GALNT18: variants seen among roughly 807,000 people sequenced by gnomAD.
GALNT18 encodes the protein polypeptide N-acetylgalactosaminyltransferase 18.
In GALNT18, 44 loss-of-function variants were observed where a neutral mutation model predicts 69.5. That is an observed-to-expected ratio of 0.63 (90% CI 0.50 to 0.81). The LOEUF is 0.81. GALNT18 is among the 40% of genes least tolerant of loss of function. The pLI, the probability that GALNT18 is intolerant of heterozygous loss-of-function variation, is 0.00. For synonymous variants in GALNT18, 364 were observed against 318.2 expected (o/e 1.14, Z -1.53); for missense variants, 715 against 810.0 (o/e 0.88, Z 1.42).
intron 1 of GALNT18, among the ~76,000 whole-genome samples, chr11:11,593,754 C>T (rs1040796548): frequency 1.3e-5 from 2 of 152,254 alleles, no homozygotes; most frequent in South Asian, 2.1e-4. Context: ...CACAGCAAGA[C>T]CCCATTTCTA....
chr11:11,603,586 C>T lies in GALNT18; in HGVS notation c.235+17773G>A, dbSNP rs1859682382. Among the ~76,000 whole-genome samples the T allele has an allele frequency of 1.3e-5, 2 of 152,282 alleles. No homozygotes were observed. The highest frequency in any genetic ancestry group is 4.2e-4 in the South Asian group (2 of 4,816). On this transcript the variant is annotated intron_variant, in intron 1 of 10. Transcript: ENST00000227756. The surrounding 1 kb of genome is among the most constrained non-coding windows in gnomAD (Gnocchi z 4.5). ...CTAATTGCTTGAGATTGTGTCCAAA[C>T]TGAATATTCATAATCTTCATGTTGC... is the stretch of plus-strand genomic sequence containing the variant.
chr11:11,519,818 A>T (rs1857355837), intron 1 of GALNT18, among the ~76,000 whole-genome samples: 1 of 152,156 alleles, frequency 6.6e-6, no homozygotes, highest in Non-Finnish European at 1.5e-5. Context: ...CTGCTCTGGG[A>T]ACCCACCCTC....
chr11:11,436,612 AAC>A lies in GALNT18; in HGVS notation c.429-3827_429-3826del, dbSNP rs1855408027. Among the ~76,000 whole-genome samples, 1 of 152,186 alleles carries A rather than the reference AAC, an allele frequency of 6.6e-6. No homozygotes were observed. Among genetic ancestry groups the A allele is most frequent in the African/African-American group, 2.4e-5 (1 of 41,446 alleles). On this transcript the variant is annotated intron_variant, in intron 2 of 10. Coordinates refer to ENST00000227756, the MANE Select transcript of GALNT18 (RefSeq NM_198516.3). This position sits in a 1 kb window ranked among gnomAD's most constrained non-coding sequence, Gnocchi z 4.5. ...ATAAATTCCCTTTCAGTTTCCACAA[AAC>A]ACACGTTCATGCCACATCATGACAC...
intron 10 of GALNT18, among the ~76,000 whole-genome samples, chr11:11,273,932 A>G (rs1377359753): frequency 6.6e-6 from 1 of 152,132 alleles, no homozygotes; most frequent in Non-Finnish European, 1.5e-5. Flanking sequence ...TGCAGCTCTA[A>G]GAGAGATCCA....
intron 1 of GALNT18, among the ~76,000 whole-genome samples, chr11:11,519,060 C>A (rs146151568): frequency 2.0e-5 from 3 of 152,290 alleles, no homozygotes; most frequent in African/African-American, 7.2e-5. Flanking sequence ...CCCAGTCCAC[C>A]CAGCAGTACT....
chr11:11,434,252 AAGG>A (rs1855346631), intron 2 of GALNT18, among the ~76,000 whole-genome samples: 1 of 152,156 alleles, frequency 6.6e-6, no homozygotes, highest in African/African-American at 2.4e-5. Flanking sequence ...TGGGGGAAAG[AAGG>A]AGTTGACCCT....
Position 11,432,851 on chromosome 11 carries a change from A to G in GALNT18, c.429-64T>C. On this transcript the variant is annotated intron_variant, in intron 2 of 10. Coordinates refer to ENST00000227756, the MANE Select transcript of GALNT18 (RefSeq NM_198516.3). The surrounding 1 kb of genome is among the most constrained non-coding windows in gnomAD (Gnocchi z 5.8). Reference sequence around the variant, plus strand: ...CTGGAGTCATCTCAGGAGCTGACCCAGCCCATGTCCTGGCTCCAGCTTTGC... The same window carrying G: ...CTGGAGTCATCTCAGGAGCTGACCCGGCCCATGTCCTGGCTCCAGCTTTGC... 1 of 1,538,962 alleles carries G rather than the reference A, an allele frequency of 6.5e-7. No individual in the cohort carries two copies. Among genetic ancestry groups the G allele is most frequent in the Admixed American group, 1.8e-5 (1 of 56,262 alleles).
chr11:11,295,230 C>A (rs961898926), intron 9 of GALNT18, among the ~76,000 whole-genome samples: 1 of 152,034 alleles, frequency 6.6e-6, no homozygotes, highest in Non-Finnish European at 1.5e-5. Flanking sequence ...TGTTCCCTTT[C>A]GCCAGTGTAT....
rs541001365 is a variant in GALNT18, at chr11:11,436,314, C to T, written c.429-3527G>A. Among the ~76,000 whole-genome samples, 1 of 152,336 alleles carries T rather than the reference C, an allele frequency of 6.6e-6. No homozygotes were observed. The highest frequency in any genetic ancestry group is 6.5e-5 in the Admixed American group (1 of 15,300). On this transcript the variant is annotated intron_variant, in intron 2 of 10. Transcript: ENST00000227756. The surrounding 1 kb of genome is among the most constrained non-coding windows in gnomAD (Gnocchi z 4.5). The stretch of plus-strand genomic sequence containing the variant: ...CTCCACAAGATTGAGGCTCTTCTAT[C>T]TTACGTTTTCCAACTTCCCCTCCCT...
rs762548013 is a variant in GALNT18, at chr11:11,538,975, T to C, written c.235+82384A>G. Among the ~76,000 whole-genome samples, 2 of 152,200 alleles carry C rather than the reference T, an allele frequency of 1.3e-5. No individual in the cohort carries two copies. Among genetic ancestry groups the C allele is most frequent in the Non-Finnish European group, 2.9e-5 (2 of 68,024 alleles). ...TCCCTTTTCACTCAGTCCCAGGATG[T>C]GGGCATATCCAGAGCAGGGACCTAA... On this transcript the variant is annotated intron_variant, in intron 1 of 10. Coordinates refer to ENST00000227756, the MANE Select transcript of GALNT18 (RefSeq NM_198516.3). This position sits in a 1 kb window ranked among gnomAD's most constrained non-coding sequence, Gnocchi z 5.2.
chr11:11,519,655 C>T (rs12801110), intron 1 of GALNT18, among the ~76,000 whole-genome samples: 31,549 of 152,110 alleles, frequency 0.21, 3,840 homozygotes, highest in Non-Finnish European at 0.25. Context: ...TATCTCCCCT[C>T]GGAGAGCTCT....
chr11:11,402,572 A>G lies in GALNT18; in HGVS notation c.596-23308T>C, dbSNP rs74927620. Among the ~76,000 whole-genome samples the G allele has an allele frequency of 0.13, 19,264 of 152,264 alleles. 1,356 individuals carry two copies. The highest frequency in any genetic ancestry group is 0.26 in the East Asian group (1,366 of 5,162). On this transcript the variant is annotated intron_variant, in intron 3 of 10. Transcript: ENST00000227756. The surrounding 1 kb of genome is among the most constrained non-coding windows in gnomAD (Gnocchi z 4.0). ...TTATGTGACACTGAGGACATCAGCCACAGCTCTTGGAGAGAAGGATTGCAC... is the reference window on the plus strand; with the variant it reads ...TTATGTGACACTGAGGACATCAGCCGCAGCTCTTGGAGAGAAGGATTGCAC...
chr11:11,305,729 T>G (rs1007126867), intron 9 of GALNT18, among the ~76,000 whole-genome samples: 21 of 152,202 alleles, frequency 1.4e-4, no homozygotes, highest in Non-Finnish European at 2.9e-4. Flanking sequence ...CTGTCAGGGA[T>G]GCGACTGTAA....
chr11:11,286,766 G>A (rs924079640), intron 10 of GALNT18, among the ~76,000 whole-genome samples: 5 of 152,046 alleles, frequency 3.3e-5, no homozygotes, highest in African/African-American at 9.7e-5. Flanking sequence ...AAGAAGAGAG[G>A]GACACGGGTT....
At position 11,347,724 on chromosome 11, in the gene GALNT18, C is replaced by G. The variant is rs1191970967; in HGVS notation, c.1093-6720G>C. 6.6e-6 allele frequency among the ~76,000 whole-genome samples: 1 copy of G among 152,260 alleles called. No homozygotes were observed. The highest frequency in any genetic ancestry group is 2.4e-5 in the African/African-American group (1 of 41,464). ...ATCCAAAGCCGGCCTGGCCCAGCTC[C>G]TCCAAACTCTTGGAACTAATGACTT... On this transcript the variant is annotated intron_variant, in intron 6 of 10. Coordinates refer to ENST00000227756, the MANE Select transcript of GALNT18 (RefSeq NM_198516.3). The surrounding 1 kb of genome is among the most constrained non-coding windows in gnomAD (Gnocchi z 4.0).
Position 11,332,561 on chromosome 11 carries a change from C to T in GALNT18, c.1416+133G>A. Reference sequence around the variant, plus strand: ...AAGGCTGTCTTGCAGGTGCAGAACCCAGCGCCCGGTCCCCAGGCCTACTGC... The same window carrying T: ...AAGGCTGTCTTGCAGGTGCAGAACCTAGCGCCCGGTCCCCAGGCCTACTGC... On this transcript the variant is annotated intron_variant, in intron 8 of 10. Coordinates refer to ENST00000227756, the MANE Select transcript of GALNT18 (RefSeq NM_198516.3). This position sits in a 1 kb window ranked among gnomAD's most constrained non-coding sequence, Gnocchi z 4.3. 1.0e-6 allele frequency: 1 copy of T among 976,898 alleles called. No homozygotes were observed. Among genetic ancestry groups the T allele is most frequent in the Non-Finnish European group, 1.5e-6 (1 of 657,442 alleles). The allele number at this position is 976,898 out of a possible 1,614,324, so 60.5% of individuals were successfully genotyped here.
chr11:11,534,952 C>A (rs1214479042), intron 1 of GALNT18, among the ~76,000 whole-genome samples: 2 of 152,230 alleles, frequency 1.3e-5, no homozygotes, highest in African/African-American at 4.8e-5. Flanking sequence ...AGTGGGGACG[C>A]CATGGGGCAG....
chr11:11,271,574 C>T (rs1004317255), intron 10 of GALNT18, among the ~76,000 whole-genome samples: 1 of 152,222 alleles, frequency 6.6e-6, no homozygotes, highest in Non-Finnish European at 1.5e-5. Flanking sequence ...GGCTGTGGTA[C>T]ACCTGTTTGC....
intron 6 of GALNT18, among the ~76,000 whole-genome samples, chr11:11,359,891 C>A (rs373245007): frequency 7.9e-5 from 12 of 152,166 alleles, no homozygotes; most frequent in African/African-American, 2.7e-4. Context: ...GTTATTTATT[C>A]TAATTTCCTC....
Sources: allele counts gnomAD v4.1 joint callset (sites outside exome capture counted in the v4.1 genomes callset), GRCh38; gene constraint gnomAD v4.1.1; non-coding constraint Gnocchi (gnomAD v3.1); transcripts MANE v1.5; gene names NCBI Gene and HGNC (gene_info 2026-07-23, HGNC 2026-07-21).